The following PSD3 variants were observed in gnomAD, a reference collection of about 807,000 sequenced individuals.
The protein encoded by PSD3 is PH and SEC7 domain-containing protein 3.
In PSD3, 49 loss-of-function variants were observed where a neutral mutation model predicts 105.5. The observed-to-expected ratio is 0.46, with a 90% confidence interval of 0.37 to 0.59. PSD3 has a LOEUF of 0.59. PSD3 is among the 20% of genes least tolerant of loss of function. The pLI is 0.00. For synonymous variants in PSD3, 557 were observed against 457.8 expected, an observed-to-expected ratio of 1.22 and a Z score of -2.77; for missense variants, 1,561 against 1,263.8, an observed-to-expected ratio of 1.24 and a Z score of -3.57.
chr8:18,583,366 G>A (rs1354944212), intron 12 of PSD3, among the ~76,000 whole-genome samples: 1 of 152,174 alleles, frequency 6.6e-6, no homozygotes, highest in African/African-American at 2.4e-5. Context: ...TTGGGGTCAA[G>A]GCTGCAGTGA....
chr8:19,062,471 G>C (rs1165456519), intron 1 of PSD3, among the ~76,000 whole-genome samples: 1 of 152,148 alleles, frequency 6.6e-6, no homozygotes, highest in East Asian at 1.9e-4. Flanking sequence ...GTTAAGAACA[G>C]CAAGAGACCA....
At chr8:18,850,374 T>C (rs1815465103) in intron 4 of PSD3, among the ~76,000 whole-genome samples, 1 of 152,236 alleles carries the variant, frequency 6.6e-6, no homozygotes, top group Non-Finnish European at 1.5e-5. Context: ...ACAATGGATC[T>C]GAGACCCAGA....
chr8:18,548,522 A>C (rs141052991), intron 15 of PSD3, among the ~76,000 whole-genome samples: 71 of 152,272 alleles, frequency 4.7e-4, no homozygotes, highest in Non-Finnish European at 8.8e-4. Context: ...TTCTATGGAC[A>C]TATCTACTCT....
chr8:18,657,636 G>C (rs916056822), intron 9 of PSD3, among the ~76,000 whole-genome samples: 1 of 151,300 alleles, frequency 6.6e-6, no homozygotes, highest in Non-Finnish European at 1.5e-5. Context: ...TCAGGAGGCT[G>C]AACACCTATG....
intron 9 of PSD3, among the ~76,000 whole-genome samples, chr8:18,666,335 G>A (rs1427762267): frequency 6.6e-6 from 1 of 152,246 alleles, no homozygotes; most frequent in African/African-American, 2.4e-5. Flanking sequence ...AAAGGCGTGA[G>A]CCACCTCACC....
intron 15 of PSD3, among the ~76,000 whole-genome samples, chr8:18,545,439 G>C (rs1280680020): frequency 6.6e-6 from 1 of 151,674 alleles, no homozygotes. Flanking sequence ...ACCCTGATTT[G>C]ATTAATGGGA....
chr8:18,899,757 G>T (rs879556125), intron 2 of PSD3, among the ~76,000 whole-genome samples: 1 of 152,284 alleles, frequency 6.6e-6, no homozygotes, highest in Non-Finnish European at 1.5e-5. Flanking sequence ...TCCAGCAGAA[G>T]AGTTCTTGTT....
Position 18,836,257 on chromosome 8 carries a change from A to G in PSD3, c.1635-31359T>C, listed in dbSNP as rs578151911. ...TTTCAAATACACATAAAATAAAAATATAATTATTAAAAAGCAAACATGCTC... is the reference window on the plus strand; with the variant it reads ...TTTCAAATACACATAAAATAAAAATGTAATTATTAAAAAGCAAACATGCTC... On this transcript the variant is annotated intron_variant, in intron 4 of 15. Transcript: ENST00000327040. 5.3e-5 allele frequency among the ~76,000 whole-genome samples: 8 copies of G among 152,324 alleles called. No homozygotes were observed. The South Asian group carries it at 1.7e-3, about 32-fold the overall frequency.
intron 10 of PSD3, among the ~76,000 whole-genome samples, chr8:18,650,855 C>T (rs1036376650): frequency 6.6e-6 from 1 of 152,198 alleles, no homozygotes; most frequent in African/African-American, 2.4e-5. Context: ...TCACTCTCTG[C>T]TCTTCAAAGA....
intron 1 of PSD3, among the ~76,000 whole-genome samples, chr8:19,011,503 A>T (rs535170499): frequency 1.2e-4 from 19 of 152,154 alleles, no homozygotes; most frequent in South Asian, 1.2e-3. Flanking sequence ...GTACCTTTAA[A>T]TTTTTCTTTT....
chr8:18,894,023 T>C (rs923515521), intron 2 of PSD3, among the ~76,000 whole-genome samples: 21 of 152,180 alleles, frequency 1.4e-4, no homozygotes, highest in South Asian at 4.1e-4. Context: ...CGGTGGCAAA[T>C]GTACCCTAAG....
intron 9 of PSD3, among the ~76,000 whole-genome samples, chr8:18,745,777 G>A (rs1327196498): frequency 2.0e-5 from 3 of 152,114 alleles, no homozygotes; most frequent in South Asian, 2.1e-4. Context: ...ACTCACCTAC[G>A]TTTCTGCATC....
At chr8:18,650,249 A>G (rs1171299707) in intron 10 of PSD3, among the ~76,000 whole-genome samples, 2 of 152,112 alleles carry the variant, frequency 1.3e-5, no homozygotes, top group Non-Finnish European at 2.9e-5. Flanking sequence ...TAAGATATAA[A>G]CTCCCATATC....
chr8:18,961,492 C>G (rs1426048580), intron 1 of PSD3, among the ~76,000 whole-genome samples: 1 of 152,150 alleles, frequency 6.6e-6, no homozygotes, highest in Non-Finnish European at 1.5e-5. Context: ...AGTTCAAGAC[C>G]AGCCTGGCCA....
intron 1 of PSD3, among the ~76,000 whole-genome samples, chr8:18,948,431 C>G (rs758120758): frequency 7.9e-5 from 12 of 152,118 alleles, no homozygotes; most frequent in Non-Finnish European, 1.5e-4. Flanking sequence ...CCAGCATAAT[C>G]AGGATCCCTA....
intron 2 of PSD3, among the ~76,000 whole-genome samples, chr8:18,919,378 T>C (rs530085374): frequency 1.2e-4 from 19 of 152,138 alleles, no homozygotes; most frequent in Non-Finnish European, 2.5e-4. Context: ...CACACAGTTA[T>C]TGCCCCTGAC....
At chr8:18,866,328 C>G (rs1816931465) in intron 4 of PSD3, among the ~76,000 whole-genome samples, 1 of 152,174 alleles carries the variant, frequency 6.6e-6, no homozygotes, top group Admixed American at 6.5e-5. Flanking sequence ...CTCAGAGATA[C>G]AAGAAGTCTA....
At chr8:18,721,987 A>G (rs1238054243) in intron 9 of PSD3, among the ~76,000 whole-genome samples, 1 of 152,116 alleles carries the variant, frequency 6.6e-6, no homozygotes, top group East Asian at 1.9e-4. Context: ...GACTAACAAC[A>G]CATTTGAAAG....
At chr8:18,593,907 A>G (rs1049361878) in intron 12 of PSD3, among the ~76,000 whole-genome samples, 51 of 131,686 alleles carry the variant, frequency 3.9e-4, no homozygotes, top group Non-Finnish European at 3.2e-4. Flanking sequence ...TCTCAGTCAT[A>G]GGTGGGAATT....
Sources: allele counts gnomAD v4.1 joint callset (sites outside exome capture counted in the v4.1 genomes callset), GRCh38; gene constraint gnomAD v4.1.1; transcripts MANE v1.5; gene names NCBI Gene and HGNC (gene_info 2026-07-23, HGNC 2026-07-21).